The following NASP variants were observed in gnomAD, a reference collection of about 807,000 sequenced individuals.
NASP encodes the protein NASP histone chaperone.
In NASP, 24 loss-of-function variants were observed where a neutral mutation model predicts 89.5. The observed-to-expected ratio is 0.27, with a 90% CI of 0.19 to 0.38. The LOEUF (loss-of-function observed/expected upper bound fraction) is 0.38. Among genes scored for constraint, NASP ranks in the 10% least tolerant of loss-of-function variants. NASP has a pLI of 1.00. For synonymous variants in NASP, 306 were observed against 324.7 expected (o/e 0.94, Z 0.62); for missense variants, 848 against 921.4 (o/e 0.92, Z 1.03).
In NASP at chr1:45,591,285, A is replaced by T. The variant is rs764475438; in HGVS notation, c.107+15A>T. The T allele has an allele frequency of 6.8e-7, 1 of 1,478,064 alleles. No homozygotes were observed. The highest frequency in any genetic ancestry group is 1.4e-5 in the African/African-American group (1 of 69,630). 91.6% of individuals were successfully genotyped at this position (1,478,064 alleles called of 1,614,324 possible). Reference sequence around the variant, plus strand: ...AAAGTGGAGAGGTAAGATTATTTACATGGTAGTTAGATTCGTATCAGAAAC... The same window carrying T: ...AAAGTGGAGAGGTAAGATTATTTACTTGGTAGTTAGATTCGTATCAGAAAC... On this transcript the variant is annotated intron_variant, in intron 2 of 14. Transcript: ENST00000350030.
intron 2 of NASP, 67 bp from the exon 3 acceptor site, chr1:45,602,188 G>A (rs376376087): frequency 9.8e-6 from 15 of 1,535,642 alleles, no homozygotes; most frequent in Middle Eastern, 1.8e-4. Context: ...TTGCTCAAAT[G>A]TAGCAGGTAT....
At chr1:45,601,189 T>C (rs1643834852) in intron 2 of NASP, among the ~76,000 whole-genome samples, 1 of 152,350 alleles carries the variant, frequency 6.6e-6, no homozygotes, top group East Asian at 1.9e-4. Context: ...TTATTGATTT[T>C]TTTTCCTCTT....
chr1:45,589,625 C>T (rs757329346), intron 1 of NASP, among the ~76,000 whole-genome samples: 1 of 152,076 alleles, frequency 6.6e-6, no homozygotes, highest in African/African-American at 2.4e-5. Context: ...TCAGGCTGGG[C>T]GCAGTGGCTC....
rs184563165 is a variant in NASP, at chr1:45,600,162, C to T, written c.108-2093C>T. On this transcript the variant is annotated intron_variant, in intron 2 of 14. Transcript: ENST00000350030. The stretch of plus-strand genomic sequence containing the variant: ...TTTTCATTAATGGAACTTAAAATGT[C>T]ACTGACTCTTGCTCTTTTGACCCAG... 3.3e-5 allele frequency among the ~76,000 whole-genome samples: 5 copies of T among 152,264 alleles called. No homozygotes were observed. The East Asian group carries it at 9.7e-4, about 29-fold the overall frequency.
chr1:45,584,235 C>G, intron 1 of NASP, 30 bp downstream of exon 1: 2 of 1,556,366 alleles, frequency 1.3e-6, no homozygotes, highest in Middle Eastern at 1.7e-4. Flanking sequence ...GCTTAAGGCA[C>G]TGGCCAGTCC....
intron 2 of NASP, among the ~76,000 whole-genome samples, chr1:45,591,610 C>T (rs1442723501): frequency 1.3e-5 from 2 of 152,110 alleles, no homozygotes; most frequent in African/African-American, 4.8e-5. Context: ...CTGCCTAAGC[C>T]TTTCAAAGTG....
intron 6 of NASP, 123 bp downstream of exon 6, chr1:45,608,460 A>G: frequency 6.1e-6 from 6 of 986,468 alleles, no homozygotes; most frequent in Non-Finnish European, 9.1e-6. Flanking sequence ...GGAAAGGGCT[A>G]AATGAAAAGG....
intron 1 of NASP, chr1:45,588,846 G>A: frequency 8.1e-6 from 2 of 246,738 alleles, no homozygotes; most frequent in Non-Finnish European, 1.6e-5. Flanking sequence ...GAACCCGGGA[G>A]GCGGAGCTTG....
At position 45,615,442 on chromosome 1, in the gene NASP, G is replaced by A. The variant is rs201665143; in HGVS notation, c.1993G>A (p.Val665Ile). The change falls in exon 11 of 15, where the codon GTA becomes ATA. Residue 665 changes from valine to isoleucine, a missense_variant. Around this residue, in one of 5 missense-constraint regions of NASP, gnomAD observed 218 missense variants for 219.6 expected, o/e 0.99. Coordinates refer to ENST00000350030, the MANE Select transcript of NASP (RefSeq NM_002482.4). ...AAAGGAGTCTCAGCGTAGTGGGAAT[G>A]TAGCTGAACTGGCTCTGAAAGCTAC... ...DAKESQRSGNVAELALKATLV... is the reference protein window; with the variant it reads ...DAKESQRSGNIAELALKATLV... The A allele has an allele frequency of 6.2e-7, 1 of 1,613,658 alleles. No homozygotes were observed. Among genetic ancestry groups the A allele is most frequent in the African/African-American group, 1.3e-5 (1 of 74,986 alleles).
At chr1:45,593,623 T>C (rs1643609409) in intron 2 of NASP, among the ~76,000 whole-genome samples, 1 of 150,786 alleles carries the variant, frequency 6.6e-6, no homozygotes, top group Non-Finnish European at 1.5e-5. Flanking sequence ...TCAAAGAACA[T>C]GTTTATGTAA....
rs752646842 is a variant in NASP, at chr1:45,608,347, A to G, written c.1426+10A>G. 6.3e-7 allele frequency: 1 copy of G among 1,594,086 alleles called. No individual in the cohort carries two copies. Among genetic ancestry groups the G allele is most frequent in the South Asian group, 1.1e-5 (1 of 88,376 alleles). On this transcript the variant is annotated intron_variant, in intron 6 of 14. Transcript: ENST00000350030. Reference sequence around the variant, plus strand: ...ATGAAAGAGGGTGAAGGTAACCGGGATATGCAAGAGCTGCAGTGGGTGGAG... The same window carrying G: ...ATGAAAGAGGGTGAAGGTAACCGGGGTATGCAAGAGCTGCAGTGGGTGGAG...
intron 2 of NASP, among the ~76,000 whole-genome samples, chr1:45,596,994 A>G (rs1165047612): frequency 2.0e-5 from 3 of 151,426 alleles, no homozygotes; most frequent in Non-Finnish European, 4.4e-5. Context: ...AAAAAAAGAA[A>G]AAAAAGAAAA....
At chr1:45,588,353 C>A (rs1441651442) in intron 1 of NASP, among the ~76,000 whole-genome samples, 2 of 152,130 alleles carry the variant, frequency 1.3e-5, no homozygotes, top group Non-Finnish European at 2.9e-5. Flanking sequence ...ATCCACTCAC[C>A]TTGCCTTTCC....
rs1175970660 is a variant in NASP, at chr1:45,586,048, G to C, written c.59+1843G>C. On this transcript the variant is annotated intron_variant, in intron 1 of 14. Transcript: ENST00000350030. ...ATTAGTGAATTTAGTTTCCTGGCAGGTTATACATAGAGAAAGTTTATGTAT... is the reference window on the plus strand; with the variant it reads ...ATTAGTGAATTTAGTTTCCTGGCAGCTTATACATAGAGAAAGTTTATGTAT... Among the ~76,000 whole-genome samples, 5 of 151,906 alleles carry C rather than the reference G, an allele frequency of 3.3e-5. No homozygotes were observed. The East Asian group carries it at 9.7e-4, about 29-fold the overall frequency.
At chr1:45,599,776 C>G (rs994157994) in intron 2 of NASP, among the ~76,000 whole-genome samples, 1 of 152,096 alleles carries the variant, frequency 6.6e-6, no homozygotes, top group Non-Finnish European at 1.5e-5. Context: ...CTTGTTCTAT[C>G]TTAAAGTCTA....
intron 1 of NASP, chr1:45,588,533 G>A (rs755833931): frequency 1.3e-5 from 5 of 395,158 alleles, no homozygotes; most frequent in Non-Finnish European, 2.5e-5. Context: ...ATAGCTGTGA[G>A]CCTAGCCTTG....
intron 6 of NASP, among the ~76,000 whole-genome samples, chr1:45,608,960 C>T (rs968703352): frequency 2.6e-5 from 4 of 152,098 alleles, no homozygotes; most frequent in Non-Finnish European, 5.9e-5. Context: ...CAGGCCCCCC[C>T]CACCTTCCCC....
chr1:45,612,693 T>C (rs1357226427), intron 6 of NASP: 1 of 152,824 alleles, frequency 6.5e-6, no homozygotes, highest in Non-Finnish European at 1.5e-5. Flanking sequence ...CACATCTCTG[T>C]TGTGGGAAAG....
At chr1:45,599,512 C>G (rs1259210397) in intron 2 of NASP, among the ~76,000 whole-genome samples, 1 of 152,156 alleles carries the variant, frequency 6.6e-6, no homozygotes, top group Non-Finnish European at 1.5e-5. Context: ...ACTGCAACCT[C>G]TGCCTCCCTG....
Sources: allele counts gnomAD v4.1 joint callset (sites outside exome capture counted in the v4.1 genomes callset), GRCh38; gene constraint gnomAD v4.1.1; regional missense constraint gnomAD v4.1.1; transcripts MANE v1.5; gene names NCBI Gene and HGNC (gene_info 2026-07-23, HGNC 2026-07-21).